The following GAGE10 variants were observed in gnomAD, a reference collection of about 807,000 sequenced individuals.
GAGE10 encodes G antigen 10.
GAGE10 carries 9 observed loss-of-function variants against 11.5 expected under a neutral mutation model. That is an observed-to-expected ratio of 0.78 (90% CI 0.47 to 1.37). The LOEUF (loss-of-function observed/expected upper bound fraction) is 1.37, where lower values mean the gene tolerates loss of function less well. GAGE10 is among the 40% of genes most tolerant of loss of function. GAGE10 has a pLI of 0.00. For missense variants in GAGE10, 83 were observed against 92.9 expected (o/e 0.89, Z 0.44); for synonymous variants, 23 against 29.7 (o/e 0.77, Z 0.73).
intron 1 of GAGE10, among the ~76,000 whole-genome samples, chrX:49,304,364 G>A (rs1318747577): frequency 5.3e-5 from 6 of 112,865 alleles, no homozygotes; most frequent in African/African-American, 1.9e-4. Flanking sequence ...AAGTGGGAGT[G>A]TGCCCAAAGT....
chrX:49,317,517 T>G (rs149754081), intron 4 of GAGE10, among the ~76,000 whole-genome samples: 43 of 111,340 alleles, frequency 3.9e-4, no homozygotes, highest in African/African-American at 1.3e-3. Context: ...CCAGCTAATT[T>G]TTGTATTTTT....
chrX:49,310,626 T>TGAGACAGACC (rs1474383331), intron 3 of GAGE10, among the ~76,000 whole-genome samples: 1 of 110,827 alleles, frequency 9.0e-6, no homozygotes, highest in Non-Finnish European at 1.9e-5. Context: ...TTTAGCAGAC[T>TGAGACAGACC]GAGACAGACC....
intron 3 of GAGE10, among the ~76,000 whole-genome samples, chrX:49,307,174 G>A (rs1260260751): frequency 1.8e-5 from 2 of 111,142 alleles, no homozygotes; most frequent in East Asian, 2.8e-4. Context: ...AATAGCTTTC[G>A]CTTCATAGGT....
At chrX:49,315,212 G>A (rs1181376267) in intron 3 of GAGE10, among the ~76,000 whole-genome samples, 2 of 112,265 alleles carry the variant, frequency 1.8e-5, no homozygotes, top group Non-Finnish European at 3.8e-5. Flanking sequence ...AGGGGCGTGT[G>A]TGTTAGGAAC....
chrX:49,306,379 G>A (rs1382606991), intron 3 of GAGE10, among the ~76,000 whole-genome samples: 1 of 111,505 alleles, frequency 9.0e-6, no homozygotes, highest in Non-Finnish European at 1.9e-5. Flanking sequence ...TGTTATATTT[G>A]GTGCTTTGTT....
intron 3 of GAGE10, among the ~76,000 whole-genome samples, chrX:49,316,533 C>T (rs782659689): frequency 1.3e-4 from 15 of 111,444 alleles, no homozygotes; most frequent in African/African-American, 4.9e-4. Context: ...AATTATCCCG[C>T]AGAAGTGAGA....
chrX:49,309,971 G>C (rs1455610384), intron 3 of GAGE10, among the ~76,000 whole-genome samples: 1 of 112,129 alleles, frequency 8.9e-6, no homozygotes, highest in Non-Finnish European at 1.9e-5. Context: ...ACCTACGAAG[G>C]TGCCGAGAAA....
chrX:49,316,206 C>G (rs1203333177), intron 3 of GAGE10, among the ~76,000 whole-genome samples: 1 of 112,301 alleles, frequency 8.9e-6, no homozygotes, highest in South Asian at 3.7e-4. Context: ...TTATCTCCCC[C>G]TTTCCCAGGC....
intron 3 of GAGE10, 28 bp from the exon 4 acceptor site, chrX:49,317,135 A>T: frequency 8.5e-7 from 1 of 1,181,373 alleles, no homozygotes; most frequent in Non-Finnish European, 1.1e-6. Flanking sequence ...TTTACTGCTT[A>T]AATTGATATG....
chrX:49,306,840 C>T (rs73209802), intron 3 of GAGE10, among the ~76,000 whole-genome samples: 2 of 45,549 alleles, frequency 4.4e-5, no homozygotes, highest in African/African-American at 8.9e-5. Flanking sequence ...AATAAATAAA[C>T]AAACAAACAA....
intron 3 of GAGE10, among the ~76,000 whole-genome samples, chrX:49,309,800 G>C (rs782317890): frequency 9.0e-6 from 1 of 111,312 alleles, no homozygotes; most frequent in Non-Finnish European, 1.9e-5. Context: ...CAGGCTCCCA[G>C]TCTCACAGAA....
chrX:49,309,557 G>C (rs782624826), intron 3 of GAGE10, among the ~76,000 whole-genome samples: 1 of 112,343 alleles, frequency 8.9e-6, no homozygotes, highest in African/African-American at 3.2e-5. Flanking sequence ...AGAGTTAAAG[G>C]GAAAGTCACA....
chrX:49,310,713 C>A (rs1440210510), intron 3 of GAGE10, among the ~76,000 whole-genome samples: 1 of 108,493 alleles, frequency 9.2e-6, no homozygotes, highest in Non-Finnish European at 1.9e-5. Context: ...TTTTTTTGGT[C>A]GATATTGGTG....
chrX:49,307,075 G>C (rs1557124240), intron 3 of GAGE10, among the ~76,000 whole-genome samples: 1 of 111,433 alleles, frequency 9.0e-6, no homozygotes, highest in Non-Finnish European at 1.9e-5. Flanking sequence ...AATTTTTACT[G>C]TATCTATTTT....
At position 49,304,953 on chromosome X, in the gene GAGE10, A is replaced by G; in HGVS notation, c.81+13A>G. 6.7e-6 allele frequency: 8 copies of G among 1,192,163 alleles called. No individual in the cohort carries two copies. The Middle Eastern group carries it at 1.0e-3, about 149-fold the overall frequency. ...TGGGCCTATGCTGGTGAGTGCTTAAACGTTAATTCGTTGTTTTCTATTAGC... is the reference window on the plus strand; with the variant it reads ...TGGGCCTATGCTGGTGAGTGCTTAAGCGTTAATTCGTTGTTTTCTATTAGC... On this transcript the variant is annotated intron_variant, in intron 2 of 4. Transcript: ENST00000407599.
chrX:49,319,244 T>G (rs2066406348), intron 4 of GAGE10, among the ~76,000 whole-genome samples: 1 of 110,915 alleles, frequency 9.0e-6, no homozygotes, highest in African/African-American at 3.3e-5. Flanking sequence ...GTAAGATGCC[T>G]GTGCTATGCA....
chrX:49,311,720 G>A lies in GAGE10; in HGVS notation c.203-5443G>A, dbSNP rs139359092. On this transcript the variant is annotated intron_variant, in intron 3 of 4. Transcript: ENST00000407599. ...CCCTTCTTTTGATATGTGGATGAAC[G>A]GAAGGGAATGGCAGCTGGAGTCTTC... Among the ~76,000 whole-genome samples the A allele has an allele frequency of 9.4e-3, 1,056 of 112,443 alleles. 12 individuals are homozygous for A. The highest frequency in any genetic ancestry group is 0.032 in the African/African-American group (989 of 30,959).
intron 3 of GAGE10, 41 bp from the exon 4 acceptor site, chrX:49,317,122 T>C (rs1557125332): frequency 1.7e-6 from 2 of 1,163,258 alleles, no homozygotes; most frequent in Middle Eastern, 2.4e-4. Flanking sequence ...TCATATTTCA[T>C]GTTTTACTGC....
intron 3 of GAGE10, among the ~76,000 whole-genome samples, chrX:49,306,731 G>C (rs782641433): frequency 9.0e-6 from 1 of 111,730 alleles, no homozygotes; most frequent in Non-Finnish European, 1.9e-5. Context: ...TGCTGTGCAC[G>C]CATAGTCCCA....
Sources: allele counts gnomAD v4.1 joint callset (sites outside exome capture counted in the v4.1 genomes callset), GRCh38; gene constraint gnomAD v4.1.1; transcripts MANE v1.5; gene names NCBI Gene and HGNC (gene_info 2026-07-23, HGNC 2026-07-21).